Variants in NAA11 observed in about 807,000 individuals in gnomAD.
NAA11 encodes the protein N-alpha-acetyltransferase 11.
In NAA11, 15 loss-of-function variants were observed where a neutral mutation model predicts 16.1. That is an observed-to-expected ratio of 0.93 (90% CI 0.62 to 1.44). The LOEUF (loss-of-function observed/expected upper bound fraction) is 1.44, where lower values mean the gene tolerates loss of function less well. Ranked by LOEUF, NAA11 falls within the 40% of genes most tolerant of loss-of-function variation. The pLI, the probability that NAA11 is intolerant of heterozygous loss-of-function variation, is 0.00. For missense variants in NAA11, 298 were observed against 291.3 expected, an observed-to-expected ratio of 1.02 and a Z score of -0.17; for synonymous variants, 122 against 112.4, an observed-to-expected ratio of 1.09 and a Z score of -0.54.
At chr4:79,322,262 G>A (rs528644619) in intron 1 of NAA11, among the ~76,000 whole-genome samples, 80 of 152,306 alleles carry the variant, frequency 5.3e-4, no homozygotes, top group South Asian at 4.8e-3. Context: ...CAGAAAGACG[G>A]TGAAGCTCAG....
the NAA11 span, among the ~76,000 whole-genome samples, chr4:79,210,528 C>T: frequency 6.6e-6 from 1 of 151,986 alleles, no homozygotes; most frequent in East Asian, 1.9e-4. Flanking sequence ...GTTCAGAGGA[C>T]CTTACAAAAT....
chr4:79,315,614 C>T (rs965022661), downstream of NAA11, among the ~76,000 whole-genome samples: 1 of 152,102 alleles, frequency 6.6e-6, no homozygotes, highest in African/African-American at 2.4e-5. Flanking sequence ...AACTGTCCTC[C>T]CTCCTTGCTT....
chr4:79,288,821 A>G (rs1723010191), intron 2 of NAA11, among the ~76,000 whole-genome samples: 1 of 152,184 alleles, frequency 6.6e-6, no homozygotes, highest in African/African-American at 2.4e-5. Context: ...TCATAATCCT[A>G]CCATGCTGAT....
the NAA11 span, among the ~76,000 whole-genome samples, chr4:79,209,721 GTAACTGAACCCTCAATAACCCA>G: frequency 6.6e-6 from 1 of 151,988 alleles, no homozygotes; most frequent in Non-Finnish European, 1.5e-5. Flanking sequence ...CAGATTCATT[GTAACTGAACCCTCAATAACCCA>G]GTTTAGATTA....
chr4:79,164,090 A>G, the NAA11 span, among the ~76,000 whole-genome samples: 107 of 151,700 alleles, frequency 7.1e-4, no homozygotes, highest in African/African-American at 2.1e-3. Flanking sequence ...TTTTAGGGCC[A>G]TGTTTAGGAC....
At chr4:79,204,801 G>C in the NAA11 span, among the ~76,000 whole-genome samples, 1 of 151,722 alleles carries the variant, frequency 6.6e-6, no homozygotes, top group Non-Finnish European at 1.5e-5. Context: ...TTATAAGAAA[G>C]AACATGCAGT....
At chr4:79,293,929 G>C (rs1490091054) in intron 2 of NAA11, 2 of 152,188 alleles carry the variant, frequency 1.3e-5, no homozygotes, top group African/African-American at 4.8e-5. Flanking sequence ...GAATGGATTA[G>C]TTATCTCAGG....
At chr4:79,243,010 G>C (rs1037546117) in intron 2 of NAA11, among the ~76,000 whole-genome samples, 1 of 152,192 alleles carries the variant, frequency 6.6e-6, no homozygotes, top group African/African-American at 2.4e-5. Context: ...ATCTCCTCTA[G>C]TCATGAACTA....
At chr4:79,189,006 C>T in the NAA11 span, among the ~76,000 whole-genome samples, 13,577 of 151,674 alleles carry the variant, frequency 0.09, 688 homozygotes, top group Middle Eastern at 0.13. Context: ...CCGAGCCGGG[C>T]GTGGTGGCAG....
At chr4:79,227,012 T>C (rs1355917533) in intron 2 of NAA11, among the ~76,000 whole-genome samples, 5 of 152,028 alleles carry the variant, frequency 3.3e-5, no homozygotes, top group African/African-American at 4.8e-5. Context: ...ACACTGTCTT[T>C]CACAATGGTT....
chr4:79,175,498 T>C, the NAA11 span, among the ~76,000 whole-genome samples: 7 of 152,116 alleles, frequency 4.6e-5, no homozygotes, highest in Non-Finnish European at 1.0e-4. Flanking sequence ...GCAATGTACC[T>C]GAAGTTAGCA....
chr4:79,169,180 A>G, the NAA11 span, among the ~76,000 whole-genome samples: 2 of 152,162 alleles, frequency 1.3e-5, no homozygotes, highest in African/African-American at 2.4e-5. Flanking sequence ...GCCATGCTGC[A>G]CAAAGTAATT....
the NAA11 span, among the ~76,000 whole-genome samples, chr4:79,207,367 T>TAAAAAA: frequency 8.6e-6 from 1 of 115,914 alleles, no homozygotes; most frequent in Non-Finnish European, 1.7e-5. Context: ...TGAATGAGGT[T>TAAAAAA]AAAAAAAAAA....
intron 2 of NAA11, among the ~76,000 whole-genome samples, chr4:79,260,376 G>T (rs887750041): frequency 6.6e-6 from 1 of 152,224 alleles, no homozygotes; most frequent in Non-Finnish European, 1.5e-5. Flanking sequence ...CACCACAGCT[G>T]CCATCTTTCC....
At chr4:79,182,089 CT>C in the NAA11 span, among the ~76,000 whole-genome samples, 1 of 152,130 alleles carries the variant, frequency 6.6e-6, no homozygotes, top group Non-Finnish European at 1.5e-5. Flanking sequence ...CAAGTAATAA[CT>C]ATTAGGGCAG....
At chr4:79,318,429 A>G (rs1403426626) in intron 1 of NAA11, among the ~76,000 whole-genome samples, 1 of 152,198 alleles carries the variant, frequency 6.6e-6, no homozygotes, top group African/African-American at 2.4e-5. Flanking sequence ...AAAATTTATT[A>G]TATGGGTAAT....
the NAA11 span, among the ~76,000 whole-genome samples, chr4:79,215,336 T>G: frequency 1.2e-4 from 18 of 152,292 alleles, no homozygotes; most frequent in Admixed American, 5.9e-4. Flanking sequence ...CTCCCTTTCC[T>G]TACTGGAAGT....
chr4:79,303,200 G>A (rs1309269651), intron 1 of NAA11, among the ~76,000 whole-genome samples: 9 of 147,896 alleles, frequency 6.1e-5, no homozygotes, highest in African/African-American at 2.3e-4. Context: ...AGAGATAAAT[G>A]TACAGGTCAG....
intron 2 of NAA11, among the ~76,000 whole-genome samples, chr4:79,278,867 A>C (rs1346690187): frequency 6.6e-6 from 1 of 152,108 alleles, no homozygotes; most frequent in Non-Finnish European, 1.5e-5. Flanking sequence ...AAGAACAGAA[A>C]TTTGTTTCCC....
Sources: allele counts gnomAD v4.1 joint callset (sites outside exome capture counted in the v4.1 genomes callset), GRCh38; gene constraint gnomAD v4.1.1; transcripts MANE v1.5; gene names NCBI Gene and HGNC (gene_info 2026-07-23, HGNC 2026-07-21).